CHST9: variants seen among roughly 807,000 people sequenced by gnomAD.
The protein encoded by CHST9 is GalNAc-4-sulfotransferase 2.
CHST9 carries 41 observed loss-of-function variants against 44.4 expected under a neutral mutation model. The observed-to-expected ratio is 0.92, with a 90% CI of 0.72 to 1.20. CHST9 has a LOEUF of 1.20. Among genes scored for constraint, CHST9 ranks in the 50% most tolerant of loss-of-function variants. CHST9 has a pLI of 0.00. For missense variants in CHST9, 504 were observed against 516.5 expected (o/e 0.98, Z 0.23); for synonymous variants, 171 against 178.4 (o/e 0.96, Z 0.33).
intron 4 of CHST9, among the ~76,000 whole-genome samples, chr18:26,990,437 G>A (rs2056803002): frequency 6.6e-6 from 1 of 152,122 alleles, no homozygotes; most frequent in South Asian, 2.1e-4. Flanking sequence ...GTATTGGGTT[G>A]TTAGGATTCA....
At chr18:27,139,402 A>G (rs1176395935) in intron 2 of CHST9, among the ~76,000 whole-genome samples, 2 of 152,046 alleles carry the variant, frequency 1.3e-5, no homozygotes, top group Admixed American at 6.6e-5. Flanking sequence ...TAAACTTAAC[A>G]TCAAAGCACA....
intron 1 of CHST9, among the ~76,000 whole-genome samples, chr18:27,181,774 C>T (rs1237889794): frequency 6.6e-6 from 1 of 152,176 alleles, no homozygotes; most frequent in Non-Finnish European, 1.5e-5. Flanking sequence ...GGGAACATAT[C>T]TAATCCTTAA....
chr18:27,146,139 G>A (rs770372440), intron 1 of CHST9, among the ~76,000 whole-genome samples: 4 of 152,170 alleles, frequency 2.6e-5, no homozygotes, highest in Non-Finnish European at 4.4e-5. Flanking sequence ...AGTACTCCTC[G>A]GGGGTTTGCA....
chr18:27,081,742 GA>G (rs1445572240), intron 2 of CHST9, among the ~76,000 whole-genome samples: 1 of 152,104 alleles, frequency 6.6e-6, no homozygotes, highest in East Asian at 1.9e-4. Flanking sequence ...GTCCTGGAAT[GA>G]AAAAAATGTT....
chr18:27,027,490 G>A (rs1255348612), intron 3 of CHST9, among the ~76,000 whole-genome samples: 1 of 152,142 alleles, frequency 6.6e-6, no homozygotes, highest in East Asian at 1.9e-4. Context: ...ATTTTCTTTT[G>A]AAAGATTGAT....
intron 4 of CHST9, among the ~76,000 whole-genome samples, chr18:26,995,282 C>CA (rs1432135204): frequency 4.6e-5 from 6 of 130,662 alleles, no homozygotes; most frequent in African/African-American, 1.2e-4. Context: ...AAAAAAAATG[C>CA]AAAAAATTAG....
intron 1 of CHST9, among the ~76,000 whole-genome samples, chr18:27,144,387 C>G (rs2058594925): frequency 6.6e-6 from 1 of 152,124 alleles, no homozygotes; most frequent in Admixed American, 6.6e-5. Context: ...CTTGGCAAAA[C>G]CAATTTTCAG....
At chr18:27,134,203 A>G (rs1177778905) in intron 2 of CHST9, among the ~76,000 whole-genome samples, 1 of 152,190 alleles carries the variant, frequency 6.6e-6, no homozygotes, top group African/African-American at 2.4e-5. Flanking sequence ...GAAAAGAATT[A>G]TATCAGTCCA....
Position 27,112,697 on chromosome 18 carries a change from T to C in CHST9, c.121+29992A>G, listed in dbSNP as rs571533552. Among the ~76,000 whole-genome samples, 96 of 151,632 alleles carry C rather than the reference T, an allele frequency of 6.3e-4. 1 individual carries two copies. In the East Asian group the frequency reaches 0.018, roughly 29 times the overall value. ...TTTAATAAACTTCCTGACACAAAAC[T>C]CTAAGTCTTGAAATAAAACCACCTA... On this transcript the variant is annotated intron_variant, in intron 2 of 5. Transcript: ENST00000618847.
At chr18:27,150,559 C>T (rs1470514538) in intron 1 of CHST9, among the ~76,000 whole-genome samples, 1 of 151,992 alleles carries the variant, frequency 6.6e-6, no homozygotes, top group East Asian at 1.9e-4. Flanking sequence ...CAGTTTCAGC[C>T]CATTTCACCA....
intron 4 of CHST9, among the ~76,000 whole-genome samples, chr18:27,005,325 T>A (rs989816900): frequency 1.3e-5 from 2 of 152,208 alleles, no homozygotes; most frequent in African/African-American, 4.8e-5. Flanking sequence ...TGATAGTTAT[T>A]AAAATGCTCA....
chr18:27,030,011 G>A (rs968429243), intron 3 of CHST9, among the ~76,000 whole-genome samples: 5 of 152,168 alleles, frequency 3.3e-5, no homozygotes, highest in Non-Finnish European at 5.9e-5. Flanking sequence ...AAATGCCTGA[G>A]AATAGAATAT....
chr18:27,010,043 A>C (rs2057063994), intron 4 of CHST9, among the ~76,000 whole-genome samples: 1 of 152,250 alleles, frequency 6.6e-6, no homozygotes, highest in African/African-American at 2.4e-5. Flanking sequence ...GTGAAGGCTT[A>C]TAAGTCTTAG....
At chr18:27,136,883 G>A (rs2058517259) in intron 2 of CHST9, among the ~76,000 whole-genome samples, 1 of 152,144 alleles carries the variant, frequency 6.6e-6, no homozygotes, top group Non-Finnish European at 1.5e-5. Flanking sequence ...TTTCAGTTTG[G>A]AATGGCTCAA....
chr18:27,014,040 CAAATATTAAATAACAAGAT>C (rs1293000551), intron 4 of CHST9, among the ~76,000 whole-genome samples: 2 of 152,104 alleles, frequency 1.3e-5, no homozygotes, highest in Non-Finnish European at 1.5e-5. Flanking sequence ...GTGAGTGCAA[CAAATATTAAATAACAAGAT>C]TCAAGAACTC....
At position 27,053,259 on chromosome 18, in the gene CHST9, AAGGAGAAGGAGAAGG is replaced by A. The variant is rs1189913149; in HGVS notation, c.122-4771_122-4757del. On this transcript the variant is annotated intron_variant, in intron 2 of 5. Coordinates refer to ENST00000618847, the MANE Select transcript of CHST9 (RefSeq NM_031422.6). Reference sequence around the variant, plus strand: ...GAAGAAGAAGAAGAAGAAGAAGAAGAAGGAGAAGGAGAAGGAGAAGGAGAAGGAGAAGGAGAAGGA... The same window carrying A: ...GAAGAAGAAGAAGAAGAAGAAGAAGAAGAAGGAGAAGGAGAAGGAGAAGGA... Among the ~76,000 whole-genome samples, 419 of 70,716 alleles carry A rather than the reference AAGGAGAAGGAGAAGG, an allele frequency of 5.9e-3. 4 individuals carry two copies. Among genetic ancestry groups the A allele is most frequent in the Non-Finnish European group, 8.1e-3 (279 of 34,460 alleles). 46.4% of individuals were successfully genotyped at this position (70,716 alleles called of 152,430 possible). A position where few individuals can be genotyped will look rare whatever the true frequency, so the allele number is the denominator to read the frequency against.
chr18:27,069,332 A>G (rs1471145699), intron 2 of CHST9, among the ~76,000 whole-genome samples: 1 of 152,208 alleles, frequency 6.6e-6, no homozygotes, highest in African/African-American at 2.4e-5. Flanking sequence ...ATAAAAAGCA[A>G]TGATCCCACC....
At position 26,917,489 on chromosome 18, in the gene CHST9, G is replaced by A. The variant is rs2055558993; in HGVS notation, c.241-139C>T. On this transcript the variant is annotated intron_variant, in intron 5 of 5. Coordinates refer to ENST00000618847, the MANE Select transcript of CHST9 (RefSeq NM_031422.6). Reference sequence around the variant, plus strand: ...TAAGCTGCCAGAACAATTTAGCAAGGCATGCTGAACATACATTTTGTAGTG... The same window carrying A: ...TAAGCTGCCAGAACAATTTAGCAAGACATGCTGAACATACATTTTGTAGTG... 3 of 969,100 alleles carry A rather than the reference G, an allele frequency of 3.1e-6. No homozygotes were observed. The South Asian group carries it at 5.1e-5, about 16-fold the overall frequency. 60.0% of individuals were successfully genotyped at this position (969,100 alleles called of 1,614,324 possible).
At chr18:26,926,525 C>T (rs2055771285) in intron 5 of CHST9, among the ~76,000 whole-genome samples, 1 of 152,170 alleles carries the variant, frequency 6.6e-6, no homozygotes, top group Non-Finnish European at 1.5e-5. Context: ...ATAGATTTAT[C>T]ATTCTATCTT....
Sources: allele counts gnomAD v4.1 joint callset (sites outside exome capture counted in the v4.1 genomes callset), GRCh38; gene constraint gnomAD v4.1.1; transcripts MANE v1.5; gene names NCBI Gene and HGNC (gene_info 2026-07-23, HGNC 2026-07-21).